TASP1: variants seen among roughly 807,000 people sequenced by gnomAD.
TASP1 encodes taspase 1, also known as threonine aspartase 1.
Under a neutral mutation model 56.6 loss-of-function variants are expected in TASP1, and 16 were observed. The ratio of observed to expected loss-of-function variants is 0.28; its 90% CI spans 0.19 to 0.43. The LOEUF is 0.43. Among genes scored for constraint, TASP1 ranks in the 20% least tolerant of loss-of-function variants. TASP1 has a pLI of 1.00. For synonymous variants in TASP1, 179 were observed against 184.2 expected, an observed-to-expected ratio of 0.97 and a Z score of 0.23; for missense variants, 393 against 511.6, an observed-to-expected ratio of 0.77 and a Z score of 2.24.
the TASP1 span, among the ~76,000 whole-genome samples, chr20:13,333,901 G>A: frequency 9.2e-5 from 14 of 152,256 alleles, no homozygotes; most frequent in Admixed American, 7.2e-4. Context: ...GATTCAACAC[G>A]TATTTACTCA....
chr20:13,576,346 A>AAAGGAAGAAAGGAAGAAAGG (rs1238239966), intron 6 of TASP1, among the ~76,000 whole-genome samples: 3 of 63,286 alleles, frequency 4.7e-5, no homozygotes, highest in African/African-American at 2.2e-4. Context: ...AGAAAGGAAG[A>AAAGGAAGAAAGGAAGAAAGG]AAGAAAGAAA....
At chr20:13,623,853 C>T (rs759388505) in intron 3 of TASP1, among the ~76,000 whole-genome samples, 29 of 152,108 alleles carry the variant, frequency 1.9e-4, no homozygotes, top group Non-Finnish European at 3.7e-4. Flanking sequence ...CCTGACAATT[C>T]ATATTTTATA....
At chr20:13,554,027 C>A (rs1223763660) in intron 8 of TASP1, among the ~76,000 whole-genome samples, 1 of 152,104 alleles carries the variant, frequency 6.6e-6, no homozygotes, top group Non-Finnish European at 1.5e-5. Flanking sequence ...AATTTTGAAT[C>A]CCAGATAAAA....
At chr20:13,157,206 G>A in the TASP1 span, among the ~76,000 whole-genome samples, 79 of 151,982 alleles carry the variant, frequency 5.2e-4, no homozygotes, top group African/African-American at 1.8e-3. Flanking sequence ...AGGAGGCTGA[G>A]GCAGATGGAT....
chr20:13,293,847 G>A, the TASP1 span, among the ~76,000 whole-genome samples: 3,359 of 152,000 alleles, frequency 0.022, 113 homozygotes, highest in African/African-American at 0.077. Context: ...GGTGGCAGGC[G>A]CCTGTAATCC....
intron 8 of TASP1, among the ~76,000 whole-genome samples, chr20:13,536,091 T>C (rs749673155): frequency 6.6e-6 from 1 of 152,184 alleles, no homozygotes; most frequent in Non-Finnish European, 1.5e-5. Context: ...GTTCCCCAGA[T>C]GCCAAGTTTG....
chr20:13,476,379 A>G (rs2042951714), intron 11 of TASP1, among the ~76,000 whole-genome samples: 1 of 152,158 alleles, frequency 6.6e-6, no homozygotes, highest in Non-Finnish European at 1.5e-5. Context: ...AAAAATTTTC[A>G]TCCATTCATT....
the TASP1 span, among the ~76,000 whole-genome samples, chr20:13,371,382 TTTC>T: frequency 3.6e-4 from 55 of 152,292 alleles, no homozygotes; most frequent in African/African-American, 1.2e-3. Context: ...CTCAAAATAT[TTTC>T]TTATTTTCCT....
At chr20:13,458,639 C>T (rs745703184) in intron 11 of TASP1, among the ~76,000 whole-genome samples, 3 of 152,012 alleles carry the variant, frequency 2.0e-5, no homozygotes, top group Non-Finnish European at 4.4e-5. Context: ...CCACTCCTGG[C>T]CCATAGTTAA....
intron 12 of TASP1, among the ~76,000 whole-genome samples, chr20:13,433,165 C>T (rs566566027): frequency 6.6e-6 from 1 of 152,162 alleles, no homozygotes; most frequent in South Asian, 2.1e-4. Flanking sequence ...TGTGATGTTC[C>T]CCTCTCTGTG....
In TASP1 at chr20:13,435,041, T is replaced by C. The variant is rs1341839393; in HGVS notation, c.1096+3A>G. The C allele has an allele frequency of 1.2e-6, 2 of 1,601,236 alleles. No individual in the cohort carries two copies. Among genetic ancestry groups the C allele is most frequent in the African/African-American group, 1.3e-5 (1 of 74,444 alleles). The stretch of plus-strand genomic sequence containing the variant: ...ACACACACAATGTATATGTCTCACT[T>C]ACCTAGAAGTGTCTGCTTATTTTGG... On this transcript the variant is annotated splice_donor_region_variant and intron_variant, in intron 12 of 13. Coordinates refer to ENST00000337743, the MANE Select transcript of TASP1 (RefSeq NM_017714.3).
intron 11 of TASP1, among the ~76,000 whole-genome samples, chr20:13,474,694 C>G (rs2044655590): frequency 6.6e-6 from 1 of 152,170 alleles, no homozygotes; most frequent in Non-Finnish European, 1.5e-5. Flanking sequence ...ATTTTTAGAT[C>G]TTTAAGGAAT....
intron 11 of TASP1, among the ~76,000 whole-genome samples, chr20:13,476,176 G>A (rs1258201992): frequency 6.6e-6 from 1 of 152,126 alleles, no homozygotes; most frequent in Non-Finnish European, 1.5e-5. Flanking sequence ...TCTGGTTAAA[G>A]TTTCTGTTGA....
chr20:13,141,220 T>C, the TASP1 span, among the ~76,000 whole-genome samples: 5 of 152,238 alleles, frequency 3.3e-5, no homozygotes, highest in Non-Finnish European at 7.3e-5. Flanking sequence ...ACATTGATTG[T>C]CTTCAGTGCA....
chr20:13,248,836 C>A, the TASP1 span, among the ~76,000 whole-genome samples: 1 of 152,192 alleles, frequency 6.6e-6, no homozygotes, highest in Non-Finnish European at 1.5e-5. Flanking sequence ...ATATTTCTAT[C>A]TGCAAAACCG....
the TASP1 span, among the ~76,000 whole-genome samples, chr20:13,358,318 C>T: frequency 5.3e-5 from 8 of 152,208 alleles, no homozygotes; most frequent in East Asian, 1.9e-4. Context: ...TCTCTTCACA[C>T]GGACGCGCAT....
At chr20:13,537,146 G>A (rs1333497676) in intron 8 of TASP1, among the ~76,000 whole-genome samples, 1 of 152,086 alleles carries the variant, frequency 6.6e-6, no homozygotes, top group Non-Finnish European at 1.5e-5. Context: ...TCAGGATATT[G>A]TGAACCATGA....
intron 4 of TASP1, among the ~76,000 whole-genome samples, chr20:13,588,842 C>G (rs1382862213): frequency 5.3e-5 from 8 of 151,924 alleles, no homozygotes; most frequent in African/African-American, 1.9e-4. Flanking sequence ...GCAAGAGACG[C>G]AGAATAACCA....
chr20:13,433,841 T>TAAAAAAAAAAAAAA (rs111973613), intron 12 of TASP1, among the ~76,000 whole-genome samples: 2 of 116,186 alleles, frequency 1.7e-5, no homozygotes, highest in African/African-American at 6.7e-5. Context: ...GTGTTTGTAT[T>TAAAAAAAAAAAAAA]AAAAAAAAAA....
Sources: allele counts gnomAD v4.1 joint callset (sites outside exome capture counted in the v4.1 genomes callset), GRCh38; gene constraint gnomAD v4.1.1; transcripts MANE v1.5; gene names NCBI Gene and HGNC (gene_info 2026-07-23, HGNC 2026-07-21).